Variants in HTT observed in about 807,000 individuals in gnomAD.
HTT encodes the protein huntington disease protein.
A neutral mutation model predicts 362.3 loss-of-function variants in HTT; 104 were observed. The ratio of observed to expected loss-of-function variants is 0.29; its 90% CI spans 0.24 to 0.34. The LOEUF (loss-of-function observed/expected upper bound fraction) is 0.34, where lower values mean the gene tolerates loss of function less well. Among genes scored for constraint, HTT ranks in the 10% least tolerant of loss-of-function variants. HTT has a pLI of 1.00. For synonymous variants in HTT, 1,577 were observed against 1,548.7 expected (o/e 1.02, Z -0.43); for missense variants, 3,301 against 3,928.6 (o/e 0.84, Z 4.27).
intron 2 of HTT, among the ~76,000 whole-genome samples, chr4:3,093,498 T>G (rs531138470): frequency 3.3e-5 from 5 of 152,280 alleles, no homozygotes; most frequent in African/African-American, 1.2e-4. Context: ...GGCAGAATAA[T>G]GCTCCCCTCT....
intron 48 of HTT, 140 bp from the exon 49 acceptor site, chr4:3,212,424 G>T: frequency 8.7e-7 from 1 of 1,145,276 alleles, no homozygotes; most frequent in Non-Finnish European, 1.3e-6. Flanking sequence ...GTGCAGTCCT[G>T]TGGACGGATG....
chr4:3,217,901 C>A lies in HTT; in HGVS notation c.7191C>A (p.Ile2397=). 1 of 1,613,912 alleles carries A rather than the reference C, an allele frequency of 6.2e-7. No homozygotes were observed. Residue 2397 remains isoleucine, a synonymous_variant, in exon 52 of 67, where the codon ATC becomes ATA. Transcript: ENST00000355072. ...CGCCATTGCTAAGGAACATCATCAT[C>A]AGCCTGGCCCGCCTGCCCCTTGTCA... ...FLTPLLRNII[I]SLARLPLVNS... is the part of the protein sequence containing the mutation.
Position 3,239,933 on chromosome 4 carries a change from C to A in HTT, c.9303C>A (p.His3101Gln), listed in dbSNP as rs377287477. The A allele has an allele frequency of 1.3e-6, 2 of 1,581,828 alleles. No homozygotes were observed. Among genetic ancestry groups the A allele is most frequent in the Non-Finnish European group, 1.7e-6 (2 of 1,162,806 alleles). Residue 3101 changes from histidine (H) to glutamine (Q), a missense_variant, in exon 67 of 67, where the codon CAC becomes CAA. His to Gln is a conservative substitution (Grantham distance 24). This residue lies in a region of HTT where 753 missense variants were observed against 1,021.3 expected (regional missense o/e 0.74). Transcript: ENST00000355072. ...FCLVATDFYR[H>Q]QIEEELDRRA... Reference sequence around the variant, plus strand: ...TGGTCGCCACAGACTTCTACAGACACCAGATAGAGGAGGAGCTCGACCGCA... The same window carrying A: ...TGGTCGCCACAGACTTCTACAGACAACAGATAGAGGAGGAGCTCGACCGCA...
At chr4:3,162,533 G>A (rs1183725106) in intron 29 of HTT, among the ~76,000 whole-genome samples, 1 of 152,186 alleles carries the variant, frequency 6.6e-6, no homozygotes, top group African/African-American at 2.4e-5. Flanking sequence ...CCATTTTCAC[G>A]ATATTGATTC....
intron 26 of HTT, among the ~76,000 whole-genome samples, chr4:3,152,549 A>T (rs1040173771): frequency 3.3e-5 from 5 of 152,130 alleles, no homozygotes; most frequent in Non-Finnish European, 7.4e-5. Flanking sequence ...CAAAACCTCC[A>T]TGCCTCCAGC....
In HTT at chr4:3,147,489, C is replaced by T. The variant is rs565963374; in HGVS notation, c.3296-516C>T. Among the ~76,000 whole-genome samples, 9 of 152,244 alleles carry T rather than the reference C, an allele frequency of 5.9e-5. No individual in the cohort carries two copies. The East Asian group carries it at 1.7e-3, about 29-fold the overall frequency. On this transcript the variant is annotated intron_variant, in intron 25 of 66. Transcript: ENST00000355072. ...TTGAAATTGATTTTGGGAGAAGTTG[C>T]CAATCTCCATGAAAGAATTGGGGCC... is the stretch of plus-strand genomic sequence containing the variant.
rs756525133 is a variant in HTT, at chr4:3,121,223, T to A, written c.1069-5T>A. 2.5e-6 allele frequency: 4 copies of A among 1,610,814 alleles called. No homozygotes were observed. Among genetic ancestry groups the A allele is most frequent in the Non-Finnish European group, 3.4e-6 (4 of 1,177,044 alleles). On this transcript the variant is annotated splice_polypyrimidine_tract_variant and splice_region_variant and intron_variant, in intron 8 of 66. Coordinates refer to ENST00000355072, the MANE Select transcript of HTT (RefSeq NM_001388492.1). ...ACCAGAACACCTGTGTTTCTCTGTT[T>A]CTAGGTTTATGAACTGACGTTACAT...
In HTT at chr4:3,178,208, A is replaced by G. The variant is rs1718329276; in HGVS notation, c.4464-90A>G. 5.9e-6 allele frequency: 6 copies of G among 1,011,708 alleles called. No individual in the cohort carries two copies. In the East Asian group the frequency reaches 1.4e-4, roughly 24 times the overall value. 62.7% of individuals were successfully genotyped at this position (1,011,708 alleles called of 1,614,324 possible). A position where few individuals can be genotyped will look rare whatever the true frequency, so the allele number is the denominator to read the frequency against. On this transcript the variant is annotated intron_variant, in intron 34 of 66. Transcript: ENST00000355072. ...GTTAGCTTGATGTGTGCTTGCTGTC[A>G]AGGTTGAATCATGAATTATTTTATG...
chr4:3,235,172 G>A, intron 61 of HTT, 112 bp from the exon 62 acceptor site: 2 of 773,102 alleles, frequency 2.6e-6, no homozygotes, highest in Non-Finnish European at 4.3e-6. Context: ...GGCGCTCCCG[G>A]GAGCCCGCCT....
In HTT at chr4:3,107,168, C is replaced by T. The variant is rs889463802; in HGVS notation, c.609-117C>T. ...CCTGTTCTTTCAGCTGAGTTTTCCC[C>T]ATCCCATTAGGGACTGTTGGAATAT... On this transcript the variant is annotated intron_variant, in intron 5 of 66. Transcript: ENST00000355072. 2.6e-5 allele frequency: 26 copies of T among 992,362 alleles called. No individual in the cohort carries two copies. The South Asian group carries it at 4.0e-4, about 15-fold the overall frequency. 61.5% of individuals were successfully genotyped at this position (992,362 alleles called of 1,614,324 possible).
At chr4:3,201,128 C>T (rs959615816) in intron 41 of HTT, among the ~76,000 whole-genome samples, 7 of 152,242 alleles carry the variant, frequency 4.6e-5, no homozygotes, top group Admixed American at 1.3e-4. Flanking sequence ...GGGCAAACTA[C>T]AGCTTTTTGT....
chr4:3,148,458 C>T (rs1017752607), intron 26 of HTT, among the ~76,000 whole-genome samples: 7 of 152,040 alleles, frequency 4.6e-5, no homozygotes, highest in African/African-American at 1.7e-4. Context: ...TCGAGACCAG[C>T]CTGGGCAACA....
chr4:3,124,631 G>T (rs370420495), intron 10 of HTT, among the ~76,000 whole-genome samples: 1 of 152,174 alleles, frequency 6.6e-6, no homozygotes, highest in East Asian at 1.9e-4. Context: ...CTTTTGTTAA[G>T]ATCTGAATTC....
intron 26 of HTT, among the ~76,000 whole-genome samples, chr4:3,149,875 T>C (rs1459709437): frequency 6.6e-6 from 1 of 152,318 alleles, no homozygotes; most frequent in East Asian, 1.9e-4. Context: ...CCCCTGCTGG[T>C]GGTTTCTGTT....
chr4:3,165,469 T>C (rs964260726), intron 29 of HTT, among the ~76,000 whole-genome samples: 4 of 152,174 alleles, frequency 2.6e-5, no homozygotes, highest in Non-Finnish European at 5.9e-5. Flanking sequence ...CCTTGCTAGG[T>C]TGGGGAAGTT....
intron 1 of HTT, among the ~76,000 whole-genome samples, chr4:3,082,224 T>C (rs1044813763): frequency 9.2e-5 from 14 of 152,232 alleles, no homozygotes; most frequent in Middle Eastern, 3.2e-3. Flanking sequence ...AAGAGGACTT[T>C]TGGAGATGTA....
At chr4:3,185,923 A>G (rs1175935339) in intron 37 of HTT, among the ~76,000 whole-genome samples, 1 of 151,964 alleles carries the variant, frequency 6.6e-6, no homozygotes, top group Non-Finnish European at 1.5e-5. Flanking sequence ...GGAGGGAGGA[A>G]GGAAGGAAGG....
intron 2 of HTT, among the ~76,000 whole-genome samples, chr4:3,091,626 G>A (rs903997942): frequency 6.6e-6 from 1 of 152,086 alleles, no homozygotes; most frequent in African/African-American, 2.4e-5. Context: ...CTTGTTCTCC[G>A]ACTCCCAGCC....
At position 3,218,066 on chromosome 4, in the gene HTT, GCTGTGGTTCTGGTGCCCA is replaced by G. The variant is rs1367252899; in HGVS notation, c.7242+131_7242+148del. Reference sequence around the variant, plus strand: ...AATCCCCGCAGCCCAGAGGCTGCCTGCTGTGGTTCTGGTGCCCACTGTGGTTCTGGTGCCAGGCTGCTT... The same window carrying G: ...AATCCCCGCAGCCCAGAGGCTGCCTGCTGTGGTTCTGGTGCCAGGCTGCTT... On this transcript the variant is annotated intron_variant, in intron 52 of 66. Coordinates refer to ENST00000355072, the MANE Select transcript of HTT (RefSeq NM_001388492.1). The surrounding 1 kb of genome is among the most constrained non-coding windows in gnomAD (Gnocchi z 4.4). 4 of 914,262 alleles carry G rather than the reference GCTGTGGTTCTGGTGCCCA, an allele frequency of 4.4e-6. No homozygotes were observed. The highest frequency in any genetic ancestry group is 3.3e-5 in the African/African-American group (2 of 60,294). 56.6% of individuals were successfully genotyped at this position (914,262 alleles called of 1,614,324 possible). A position where few individuals can be genotyped will look rare whatever the true frequency, so the allele number is the denominator to read the frequency against.
Sources: gnomAD v4.1 joint callset for allele counts (sites outside exome capture counted in the v4.1 genomes callset) on GRCh38, gnomAD v4.1.1 for gene constraint, gnomAD v4.1.1 regional missense constraint, Gnocchi (gnomAD v3.1) non-coding constraint, MANE v1.5 for transcripts, NCBI Gene and HGNC (gene_info 2026-07-23, HGNC 2026-07-21) for gene names.